The following THSD7B variants were observed in gnomAD, a reference collection of about 807,000 sequenced individuals.
The protein encoded by THSD7B is thrombospondin type-1 domain-containing protein 7B.
A neutral mutation model predicts 213.6 loss-of-function variants in THSD7B; 138 were observed. The observed-to-expected ratio is 0.65, with a 90% CI of 0.56 to 0.74. The LOEUF (loss-of-function observed/expected upper bound fraction) is 0.74. Among genes scored for constraint, THSD7B ranks in the 30% least tolerant of loss-of-function variants. THSD7B has a pLI of 0.00. For missense variants in THSD7B, 1,931 were observed against 1,991.5 expected (o/e 0.97, Z 0.58); for synonymous variants, 742 against 687.0 (o/e 1.08, Z -1.25).
At chr2:137,221,532 G>A (rs1681371997) in intron 7 of THSD7B, among the ~76,000 whole-genome samples, 1 of 152,102 alleles carries the variant, frequency 6.6e-6, no homozygotes, top group African/African-American at 2.4e-5. Flanking sequence ...AAAGAAAATA[G>A]GCAACTTTTT....
At chr2:136,892,820 A>G (rs575254117) in intron 2 of THSD7B, among the ~76,000 whole-genome samples, 22 of 152,134 alleles carry the variant, frequency 1.4e-4, no homozygotes, top group Non-Finnish European at 2.9e-4. Flanking sequence ...AGAGTTCTGC[A>G]AGTATAAATT....
At chr2:137,373,002 C>T (rs2104952340) in intron 12 of THSD7B, among the ~76,000 whole-genome samples, 1 of 151,996 alleles carries the variant, frequency 6.6e-6, no homozygotes, top group East Asian at 1.9e-4. Context: ...CCAATTTCAT[C>T]CATGTCCCTA....
intron 4 of THSD7B, among the ~76,000 whole-genome samples, chr2:137,103,146 G>T (rs1043931385): frequency 6.6e-6 from 1 of 152,142 alleles, no homozygotes; most frequent in African/African-American, 2.4e-5. Flanking sequence ...AGAAAGGTCT[G>T]GTTACCCACA....
chr2:136,827,798 A>T (rs1180551282), intron 1 of THSD7B, among the ~76,000 whole-genome samples: 2 of 152,098 alleles, frequency 1.3e-5, no homozygotes, highest in Non-Finnish European at 2.9e-5. Context: ...AGAGAGATTG[A>T]GAGAGACACA....
At chr2:136,841,520 C>G (rs1206678243) in intron 1 of THSD7B, among the ~76,000 whole-genome samples, 2 of 141,414 alleles carry the variant, frequency 1.4e-5, no homozygotes, top group Non-Finnish European at 3.0e-5. Context: ...TCACTTGAAC[C>G]TGGGAGGTGG....
At chr2:136,789,012 A>G (rs1034359372) in intron 1 of THSD7B, among the ~76,000 whole-genome samples, 3 of 152,150 alleles carry the variant, frequency 2.0e-5, no homozygotes, top group African/African-American at 7.2e-5. Flanking sequence ...TTTCATTAGT[A>G]TGCAGTTGAT....
intron 12 of THSD7B, among the ~76,000 whole-genome samples, chr2:137,338,440 C>G (rs1175098695): frequency 6.6e-6 from 1 of 151,882 alleles, no homozygotes; most frequent in Non-Finnish European, 1.5e-5. Flanking sequence ...TGAGGAATTG[C>G]TTGCACAAAA....
chr2:137,433,677 A>C (rs1371681974), intron 14 of THSD7B, among the ~76,000 whole-genome samples: 1 of 152,130 alleles, frequency 6.6e-6, no homozygotes, highest in African/African-American at 2.4e-5. Context: ...TCTCTAGGCC[A>C]TTTCAATACT....
intron 15 of THSD7B, chr2:137,512,161 T>C (rs1163492208): frequency 6.6e-6 from 1 of 152,178 alleles, no homozygotes; most frequent in Admixed American, 6.5e-5. Flanking sequence ...CAACCCTACT[T>C]AGCTTCCAAG....
At chr2:137,461,535 A>G (rs555395854) in intron 15 of THSD7B, among the ~76,000 whole-genome samples, 1 of 152,014 alleles carries the variant, frequency 6.6e-6, no homozygotes, top group East Asian at 1.9e-4. Flanking sequence ...TGCTCACTGC[A>G]CTCCAAAATA....
At chr2:137,457,116 C>T (rs1188170914) in intron 15 of THSD7B, among the ~76,000 whole-genome samples, 3 of 152,042 alleles carry the variant, frequency 2.0e-5, no homozygotes, top group Non-Finnish European at 4.4e-5. Flanking sequence ...CATTTGTATC[C>T]ACACACACCC....
intron 14 of THSD7B, among the ~76,000 whole-genome samples, chr2:137,413,218 A>C (rs1686711083): frequency 6.6e-6 from 1 of 152,180 alleles, no homozygotes; most frequent in Admixed American, 6.5e-5. Context: ...GAAACATTAA[A>C]TACATCACAA....
chr2:137,436,519 T>C (rs1412582846), intron 14 of THSD7B, among the ~76,000 whole-genome samples: 3 of 152,172 alleles, frequency 2.0e-5, no homozygotes, highest in Non-Finnish European at 4.4e-5. Flanking sequence ...GATTAGTTTT[T>C]ATTTGGGGAG....
At chr2:137,126,285 G>A (rs1490712018) in intron 5 of THSD7B, among the ~76,000 whole-genome samples, 1 of 152,088 alleles carries the variant, frequency 6.6e-6, no homozygotes, top group Admixed American at 6.5e-5. Context: ...ATTAAGAATT[G>A]GTTTTCCAGT....
At chr2:137,434,702 T>C (rs889020084) in intron 14 of THSD7B, among the ~76,000 whole-genome samples, 1 of 152,206 alleles carries the variant, frequency 6.6e-6, no homozygotes, top group African/African-American at 2.4e-5. Context: ...ATTTTGTGTA[T>C]TAATTTACAG....
At chr2:137,440,800 C>G (rs539869267) in intron 14 of THSD7B, among the ~76,000 whole-genome samples, 2 of 152,182 alleles carry the variant, frequency 1.3e-5, no homozygotes, top group East Asian at 3.9e-4. Flanking sequence ...AATATATTGG[C>G]TGGATTCAGG....
intron 12 of THSD7B, among the ~76,000 whole-genome samples, chr2:137,340,366 T>G (rs2104906145): frequency 6.6e-6 from 1 of 152,012 alleles, no homozygotes; most frequent in South Asian, 2.1e-4. Flanking sequence ...TTGTACAAAG[T>G]GATGTTATGA....
chr2:136,819,264 G>A (rs1450032231), intron 1 of THSD7B, among the ~76,000 whole-genome samples: 3 of 152,162 alleles, frequency 2.0e-5, no homozygotes, highest in Admixed American at 6.5e-5. Flanking sequence ...TGTAACTGCA[G>A]TAATAGTGCA....
At chr2:136,810,074 G>T (rs1042174502) in intron 1 of THSD7B, among the ~76,000 whole-genome samples, 2 of 152,132 alleles carry the variant, frequency 1.3e-5, no homozygotes, top group African/African-American at 4.8e-5. Flanking sequence ...TGTGCTCTGG[G>T]TGAGAAGTGG....
Sources: gnomAD v4.1 joint callset for allele counts (sites outside exome capture counted in the v4.1 genomes callset) on GRCh38, gnomAD v4.1.1 for gene constraint, MANE v1.5 for transcripts, NCBI Gene and HGNC (gene_info 2026-07-23, HGNC 2026-07-21) for gene names.